ATMIN: variants seen among roughly 807,000 people sequenced by gnomAD.
ATMIN encodes the protein ATM INteracting protein.
A neutral mutation model predicts 49.2 loss-of-function variants in ATMIN; 24 were observed. The ratio of observed to expected loss-of-function variants is 0.49; its 90% CI spans 0.35 to 0.69. The LOEUF (loss-of-function observed/expected upper bound fraction) is 0.69, where lower values mean the gene tolerates loss of function less well. Ranked by LOEUF, ATMIN falls within the 30% of genes least tolerant of loss-of-function variation. ATMIN has a pLI of 0.00. For synonymous variants in ATMIN, 450 were observed against 392.5 expected (o/e 1.15, Z -1.73); for missense variants, 1,037 against 1,005.5 (o/e 1.03, Z -0.42).
rs374688308 is a variant in ATMIN, at chr16:81,036,329, C to T, written c.336+123C>T. The T allele has an allele frequency of 2.0e-5, 19 of 950,700 alleles. No individual in the cohort carries two copies. In the African/African-American group the frequency reaches 2.8e-4, roughly 14 times the overall value. 58.9% of individuals were successfully genotyped at this position (950,700 alleles called of 1,614,324 possible). A position where few individuals can be genotyped will look rare whatever the true frequency, so the allele number is the denominator to read the frequency against. On this transcript the variant is annotated intron_variant, in intron 1 of 3. Coordinates refer to ENST00000299575, the MANE Select transcript of ATMIN (RefSeq NM_015251.3). ...CTGCGCGCTGCCGCTGCCGCTGCCC[C>T]ACCGGCCTCTGCCCTCCCCGGCCGG...
chr16:81,046,473 C>A lies in ATMIN; in HGVS notation c.*1503C>A. On this transcript the variant is annotated 3_prime_UTR_variant, in exon 4 of 4. Transcript: ENST00000299575. ...GGTTTTTTTTCTTAAGTGAATAATACCAGTCTTCAAAGAAAACAAGGTGAA... is the reference window on the plus strand; with the variant it reads ...GGTTTTTTTTCTTAAGTGAATAATAACAGTCTTCAAAGAAAACAAGGTGAA... 1 of 151,796 alleles carries A rather than the reference C, an allele frequency of 6.6e-6. No individual in the cohort carries two copies. Among genetic ancestry groups the A allele is most frequent in the East Asian group, 1.9e-4 (1 of 5,178 alleles). The allele number at this position is 151,796 out of a possible 1,614,324, so 9.4% of individuals were successfully genotyped here. A position where few individuals can be genotyped will look rare whatever the true frequency, so the allele number is the denominator to read the frequency against.
At position 81,046,490 on chromosome 16, in the gene ATMIN, C is replaced by T. The variant is rs575545394; in HGVS notation, c.*1520C>T. The T allele has an allele frequency of 6.6e-6, 1 of 152,104 alleles. No homozygotes were observed. The highest frequency in any genetic ancestry group is 2.1e-4 in the South Asian group (1 of 4,824). The allele number at this position is 152,104 out of a possible 1,614,324, so 9.4% of individuals were successfully genotyped here. Reference sequence around the variant, plus strand: ...GAATAATACCAGTCTTCAAAGAAAACAAGGTGAAGACCTATTGCTTCAATA... The same window carrying T: ...GAATAATACCAGTCTTCAAAGAAAATAAGGTGAAGACCTATTGCTTCAATA... On this transcript the variant is annotated 3_prime_UTR_variant, in exon 4 of 4. Coordinates refer to ENST00000299575, the MANE Select transcript of ATMIN (RefSeq NM_015251.3).
Position 81,043,216 on chromosome 16 carries a change from T to C in ATMIN, c.718T>C (p.Ser240Pro), listed in dbSNP as rs2278022. Residue 240 changes from serine (S) to proline (P), a missense_variant, in exon 4 of 4, where the codon TCC (serine) becomes CCC (proline). Ser to Pro is a moderately conservative substitution (Grantham distance 74). Coordinates refer to ENST00000299575, the MANE Select transcript of ATMIN (RefSeq NM_015251.3). Reference sequence around the variant, plus strand: ...AAACTGTGCACAAAACCAGAAGTTATCCAACAAGACCATTGAATCATTGAA... The same window carrying C: ...AAACTGTGCACAAAACCAGAAGTTACCCAACAAGACCATTGAATCATTGAA... The part of the protein sequence containing the change: ...MENCAQNQKL[S>P]NKTIESLNNQ... 138,851 of 1,613,118 alleles carry C rather than the reference T, an allele frequency of 0.086. 6,793 individuals are homozygous for C. Among genetic ancestry groups the C allele is most frequent in the East Asian group, 0.2 (9,049 of 44,868 alleles).
intron 1 of ATMIN, among the ~76,000 whole-genome samples, chr16:81,039,623 T>G (rs1327404593): frequency 6.6e-6 from 1 of 152,222 alleles, no homozygotes; most frequent in East Asian, 1.9e-4. Context: ...ATGAAAGCCA[T>G]GAGGATTCAG....
rs377537086 is a variant in ATMIN, at chr16:81,044,529, A to C, written c.2031A>C (p.Leu677Phe). The C allele has an allele frequency of 1.2e-6, 2 of 1,613,964 alleles. No individual in the cohort carries two copies. The highest frequency in any genetic ancestry group is 1.7e-5 in the Admixed American group (1 of 60,002). ...ACATAGAGACTCAAACGGACTTCTT[A>C]CTCGCAGATACCTCTGCTCAGTCCT... is the stretch of plus-strand genomic sequence containing the variant. The part of the protein sequence containing the change: ...SLDIETQTDF[L>F]LADTSAQSYG... The change falls in exon 4 of 4, where the codon TTA becomes TTC. Residue 677 changes from leucine to phenylalanine, a missense_variant. By Grantham distance (22) the Leu-to-Phe change is conservative. Transcript: ENST00000299575.
At chr16:81,037,449 G>T (rs1382587945) in intron 1 of ATMIN, 2 of 985,310 alleles carry the variant, frequency 2.0e-6, no homozygotes, top group African/African-American at 1.7e-5. Context: ...TTGAAGATCA[G>T]GGAGCCAGTC....
chr16:81,036,064 C>CG lies in ATMIN; in HGVS notation c.199dup (p.Glu67GlyfsTer70). On this transcript the variant is annotated frameshift_variant, in exon 1 of 4. Coordinates refer to ENST00000299575, the MANE Select transcript of ATMIN (RefSeq NM_015251.3). LOFTEE classifies it high-confidence loss of function. ...CAGCCCGCTGTCCCCGCGCCGCCGG[C>CG]GGGGGAGCTGATCCAGCCGTCGGTG... The CG allele has an allele frequency of 7.7e-7, 1 of 1,296,338 alleles. No individual in the cohort carries two copies. Among genetic ancestry groups the CG allele is most frequent in the Non-Finnish European group, 9.9e-7 (1 of 1,011,768 alleles). The allele number at this position is 1,296,338 out of a possible 1,614,324, so 80.3% of individuals were successfully genotyped here. A position where few individuals can be genotyped will look rare whatever the true frequency, so the allele number is the denominator to read the frequency against.
chr16:81,036,795 A>G (rs181702511), intron 1 of ATMIN, among the ~76,000 whole-genome samples: 49 of 152,292 alleles, frequency 3.2e-4, no homozygotes, highest in African/African-American at 9.6e-4. Flanking sequence ...CTTGATCACT[A>G]TGCAATGTAT....
chr16:81,042,556 G>T (rs1445226465), intron 3 of ATMIN, 76 bp downstream of exon 3: 16 of 1,439,070 alleles, frequency 1.1e-5, no homozygotes, highest in Non-Finnish European at 1.5e-5. Context: ...TGGAGAGCCA[G>T]TGGTGTGGGG....
chr16:81,035,941 C>T lies in ATMIN; in HGVS notation c.71C>T (p.Ala24Val), dbSNP rs1463756074. The T allele has an allele frequency of 1.2e-4, 125 of 1,004,026 alleles. 3 individuals are homozygous for T. In the South Asian group the frequency reaches 4.6e-3, roughly 37 times the overall value. The allele number at this position is 1,004,026 out of a possible 1,614,324, so 62.2% of individuals were successfully genotyped here. A position where few individuals can be genotyped will look rare whatever the true frequency, so the allele number is the denominator to read the frequency against. The part of the protein sequence containing the change: ...ALAAGARAVP[A>V]ATTGAAAAAS... ...GCGGCGGGTGCCCGGGCCGTCCCGG[C>T]GGCCACGACAGGAGCCGCCGCCGCC... Residue 24 changes from alanine to valine, a missense_variant, in exon 1 of 4, where the codon GCG (alanine) becomes GTG (valine). Ala to Val is a moderately conservative substitution (Grantham distance 64). Coordinates refer to ENST00000299575, the MANE Select transcript of ATMIN (RefSeq NM_015251.3).
chr16:81,036,312 T>TGAATCCTCATG, intron 1 of ATMIN, 106 bp downstream of exon 1: 1 of 992,594 alleles, frequency 1.0e-6, no homozygotes, highest in Non-Finnish European at 1.2e-6. Context: ...CCCTGCGCGC[T>TGAATCCTCATG]GCCGCTGCCG....
chr16:81,043,754 A>C lies in ATMIN; in HGVS notation c.1256A>C (p.Tyr419Ser). The C allele has an allele frequency of 6.2e-7, 1 of 1,614,250 alleles. No individual in the cohort carries two copies. Among genetic ancestry groups the C allele is most frequent in the Non-Finnish European group, 8.5e-7 (1 of 1,180,044 alleles). Residue 419 changes from tyrosine to serine, a missense_variant, in exon 4 of 4, where the codon TAT becomes TCT. Tyr to Ser is a moderately radical substitution (Grantham distance 144). Coordinates refer to ENST00000299575, the MANE Select transcript of ATMIN (RefSeq NM_015251.3). ...ATCAACGTGCAGACAGATCTGTCTTATGCCTCACAAAACTTTATACCTTCT... is the reference window on the plus strand; with the variant it reads ...ATCAACGTGCAGACAGATCTGTCTTCTGCCTCACAAAACTTTATACCTTCT... ...SSINVQTDLS[Y>S]ASQNFIPSAQ...
Position 81,036,194 on chromosome 16 carries a change from C to T in ATMIN, c.324C>T (p.Ser108=), listed in dbSNP as rs749484664. 5.5e-6 allele frequency: 8 copies of T among 1,453,012 alleles called. No homozygotes were observed. The highest frequency in any genetic ancestry group is 2.5e-5 in the South Asian group (2 of 79,278). 90.0% of individuals were successfully genotyped at this position (1,453,012 alleles called of 1,614,324 possible). ...SPALNMHLVK[S]HRLQDGIVNP... ...CGCTCAACATGCACCTAGTCAAGAG[C>T]CACCGCCTGCAGGTGAGCCCGACGC... Residue 108 remains serine (S), a synonymous_variant, in exon 1 of 4, where the codon AGC becomes AGT. Coordinates refer to ENST00000299575, the MANE Select transcript of ATMIN (RefSeq NM_015251.3).
rs1257808973 is a variant in ATMIN at position 81,045,058 on chromosome 16, T to C, written c.*88T>C. 8.7e-6 allele frequency: 13 copies of C among 1,488,958 alleles called. No individual in the cohort carries two copies. The Admixed American group carries it at 1.1e-4, about 13-fold the overall frequency. The allele number at this position is 1,488,958 out of a possible 1,614,324, so 92.2% of individuals were successfully genotyped here. ...ACTGGGGACAACAGTATTAATTCGA[T>C]TGAATGTGGCTGATGATGCAGTTGC... On this transcript the variant is annotated 3_prime_UTR_variant, in exon 4 of 4. Transcript: ENST00000299575.
rs148070606 is a variant in ATMIN, at chr16:81,043,461, C to T, written c.963C>T (p.Ala321=). The change falls in exon 4 of 4, where the codon GCC becomes GCT. Residue 321 remains alanine (A), a synonymous_variant. Coordinates refer to ENST00000299575, the MANE Select transcript of ATMIN (RefSeq NM_015251.3). ...TCATGCCTGTCTTTGTGCCTACAGC[C>T]GACTCCTCAGCCCAGCCTGTGGTGT... ...FSVMPVFVPT[A]DSSAQPVVLG... 99 of 1,614,058 alleles carry T rather than the reference C, an allele frequency of 6.1e-5. No homozygotes were observed. The East Asian group carries it at 9.8e-4, about 16-fold the overall frequency.
rs372731203 is a variant in ATMIN at position 81,043,719 on chromosome 16, C to T, written c.1221C>T (p.Ser407=). Residue 407 remains serine (S), a synonymous_variant, in exon 4 of 4, where the codon AGC becomes AGT. Coordinates refer to ENST00000299575, the MANE Select transcript of ATMIN (RefSeq NM_015251.3). ...TAGGGAACACGTGTCAAAAGAATAGCATTTCTTCAATCAACGTGCAGACAG... is the reference window on the plus strand; with the variant it reads ...TAGGGAACACGTGTCAAAAGAATAGTATTTCTTCAATCAACGTGCAGACAG... The part of the protein sequence containing the change: ...QELGNTCQKN[S]ISSINVQTDL... 6.2e-7 allele frequency: 1 copy of T among 1,614,216 alleles called. No homozygotes were observed. The highest frequency in any genetic ancestry group is 1.1e-5 in the South Asian group (1 of 91,084).
chr16:81,043,050 CA>C, intron 3 of ATMIN, 110 bp from the exon 4 acceptor site: 1 of 1,318,752 alleles, frequency 7.6e-7, no homozygotes. Flanking sequence ...CTGGGTTGAA[CA>C]TGACCTCTGC....
chr16:81,038,793 T>C (rs935048180), intron 1 of ATMIN, among the ~76,000 whole-genome samples: 1 of 152,084 alleles, frequency 6.6e-6, no homozygotes, highest in East Asian at 1.9e-4. Context: ...GCCTCAAACA[T>C]TGTTCTTTTT....
chr16:81,042,558 G>A (rs1971052957), intron 3 of ATMIN, 78 bp downstream of exon 3: 1 of 1,408,290 alleles, frequency 7.1e-7, no homozygotes, highest in Non-Finnish European at 9.8e-7. Context: ...GAGAGCCAGT[G>A]GTGTGGGGAG....
Sources: allele counts gnomAD v4.1 joint callset (sites outside exome capture counted in the v4.1 genomes callset), GRCh38; gene constraint gnomAD v4.1.1; transcripts MANE v1.5; gene names NCBI Gene and HGNC (gene_info 2026-07-23, HGNC 2026-07-21).